Variants in GPHN observed in about 807,000 individuals in gnomAD.
GPHN encodes gephyrin.
A neutral mutation model predicts 95.5 loss-of-function variants in GPHN; 17 were observed. The observed-to-expected ratio is 0.18, with a 90% confidence interval of 0.12 to 0.27. GPHN has a LOEUF of 0.27. GPHN is among the 10% of genes least tolerant of loss of function. GPHN has a pLI of 1.00. For missense variants in GPHN, 660 were observed against 978.1 expected (o/e 0.67, Z 4.34); for synonymous variants, 320 against 322.5 (o/e 0.99, Z 0.08).
chr14:67,721,495 C>A, the GPHN span, among the ~76,000 whole-genome samples: 2 of 152,140 alleles, frequency 1.3e-5, no homozygotes, highest in African/African-American at 4.8e-5. Flanking sequence ...GATCCCCCTA[C>A]CTTGGGCTCT....
the GPHN span, among the ~76,000 whole-genome samples, chr14:67,668,586 A>T: frequency 3.3e-5 from 5 of 152,250 alleles, no homozygotes; most frequent in African/African-American, 9.6e-5. Context: ...CAATTCACAC[A>T]TTCCATCATC....
chr14:66,770,846 T>A (rs2059140430), intron 2 of GPHN, among the ~76,000 whole-genome samples: 3 of 128,918 alleles, frequency 2.3e-5, no homozygotes, highest in Admixed American at 1.5e-4. Flanking sequence ...TCTTAATCTA[T>A]TACTGTTAAT....
At chr14:67,193,779 CA>C in the GPHN span, among the ~76,000 whole-genome samples, 308 of 88,826 alleles carry the variant, frequency 3.5e-3, no homozygotes, top group Middle Eastern at 0.015. Context: ...CCAATTTCTA[CA>C]AAAAAAAAAA....
intron 18 of GPHN, among the ~76,000 whole-genome samples, chr14:67,150,663 G>T (rs1567411365): frequency 6.6e-6 from 1 of 152,020 alleles, no homozygotes; most frequent in African/African-American, 2.4e-5. Flanking sequence ...ATAAGAGAAA[G>T]AACATGGCTG....
At chr14:67,491,887 C>T in the GPHN span, among the ~76,000 whole-genome samples, 11,193 of 152,314 alleles carry the variant, frequency 0.073, 480 homozygotes, top group East Asian at 0.15. Context: ...AGGAGAGGCC[C>T]AGGCCGCGGG....
chr14:66,593,549 C>A (rs1351018975), intron 1 of GPHN, among the ~76,000 whole-genome samples: 1 of 152,238 alleles, frequency 6.6e-6, no homozygotes, highest in African/African-American at 2.4e-5. Flanking sequence ...ATAGGGGAAT[C>A]CATGCCCAAG....
chr14:67,733,612 T>C, the GPHN span: 1 of 632,088 alleles, frequency 1.6e-6, no homozygotes, highest in East Asian at 3.3e-5. Context: ...GAGTGCATTT[T>C]GTATAATTAG....
the GPHN span, among the ~76,000 whole-genome samples, chr14:67,575,139 G>C: frequency 6.6e-6 from 1 of 152,118 alleles, no homozygotes; most frequent in East Asian, 1.9e-4. Flanking sequence ...GCCTGGAGGG[G>C]ACATCTGATT....
At chr14:67,299,195 C>G in the GPHN span, among the ~76,000 whole-genome samples, 1 of 152,178 alleles carries the variant, frequency 6.6e-6, no homozygotes, top group African/African-American at 2.4e-5. Flanking sequence ...GGCTATTTCT[C>G]TATCTTTTGT....
chr14:67,166,218 CAGAG>C (rs2082268682), intron 20 of GPHN, among the ~76,000 whole-genome samples: 1 of 152,154 alleles, frequency 6.6e-6, no homozygotes. Context: ...AGAAAATTTT[CAGAG>C]AGAGAACATT....
At chr14:66,787,112 G>GA (rs1420784876) in intron 3 of GPHN, among the ~76,000 whole-genome samples, 1 of 151,774 alleles carries the variant, frequency 6.6e-6, no homozygotes, top group Non-Finnish European at 1.5e-5. Context: ...ATCTGCATAG[G>GA]AAAAAATGAC....
At chr14:67,321,026 C>T in the GPHN span, 1 of 1,596,084 alleles carries the variant, frequency 6.3e-7, no homozygotes. Flanking sequence ...TAAGCCATGC[C>T]TGTTATTTCT....
At chr14:66,788,288 A>G (rs1399231185) in intron 3 of GPHN, among the ~76,000 whole-genome samples, 1 of 152,244 alleles carries the variant, frequency 6.6e-6, no homozygotes, top group Non-Finnish European at 1.5e-5. Context: ...CAGTCTGGGC[A>G]ACAGAACGAG....
the GPHN span, among the ~76,000 whole-genome samples, chr14:67,466,526 G>A: frequency 6.6e-6 from 1 of 152,218 alleles, no homozygotes; most frequent in South Asian, 2.1e-4. Flanking sequence ...GTTCCCAAAA[G>A]AGCCTGGGAA....
the GPHN span, chr14:67,642,105 G>A: frequency 3.9e-5 from 52 of 1,325,796 alleles, no homozygotes; most frequent in Non-Finnish European, 5.0e-5. Flanking sequence ...ACTTTGTCAC[G>A]TATTATCATT....
chr14:66,593,038 T>C (rs928174946), intron 1 of GPHN, among the ~76,000 whole-genome samples: 110 of 152,164 alleles, frequency 7.2e-4, no homozygotes, highest in African/African-American at 2.5e-3. Context: ...CTCAGATAAC[T>C]AACACAGAAA....
the GPHN span, among the ~76,000 whole-genome samples, chr14:67,197,587 G>A: frequency 1.3e-5 from 2 of 152,020 alleles, no homozygotes; most frequent in African/African-American, 4.8e-5. Flanking sequence ...TTTTTCCACC[G>A]ACTTAGAGTC....
chr14:67,724,418 T>G, the GPHN span: 5 of 1,122,878 alleles, frequency 4.5e-6, no homozygotes, highest in South Asian at 1.2e-5. Context: ...TTAACGTATC[T>G]TAGTGTGAGC....
At chr14:67,313,526 C>T in the GPHN span, among the ~76,000 whole-genome samples, 1 of 152,226 alleles carries the variant, frequency 6.6e-6, no homozygotes, top group South Asian at 2.1e-4. Context: ...ATGGCTCTTA[C>T]AGTTCCCAGG....
Sources: gnomAD v4.1 joint callset for allele counts (sites outside exome capture counted in the v4.1 genomes callset) on GRCh38, gnomAD v4.1.1 for gene constraint, MANE v1.5 for transcripts, NCBI Gene and HGNC (gene_info 2026-07-23, HGNC 2026-07-21) for gene names.